Variants in KIF26A observed in about 807,000 individuals in gnomAD.
KIF26A encodes kinesin-like protein KIF26A.
KIF26A carries 74 observed loss-of-function variants against 126.0 expected under a neutral mutation model. The observed-to-expected ratio is 0.59, with a 90% CI of 0.49 to 0.71. The LOEUF (loss-of-function observed/expected upper bound fraction) is 0.71. KIF26A is among the 30% of genes least tolerant of loss of function. The probability of loss-of-function intolerance (pLI) is 0.00; values close to 1 mark genes in which losing one functional copy is unlikely to be tolerated. For missense variants in KIF26A, 2,984 were observed against 2,763.3 expected, an observed-to-expected ratio of 1.08 and a Z score of -1.79; for synonymous variants, 1,445 against 1,232.7, an observed-to-expected ratio of 1.17 and a Z score of -3.61.
chr14:104,143,371 T>C (rs8012009), intron 2 of KIF26A, among the ~76,000 whole-genome samples: 136,479 of 152,276 alleles, frequency 0.9, 61,560 homozygotes, highest in Non-Finnish European at 0.95. Flanking sequence ...TACCGCTCTG[T>C]GTGGCTTGGC....
intron 6 of KIF26A, among the ~76,000 whole-genome samples, chr14:104,172,296 G>A (rs536102481): frequency 2.8e-4 from 43 of 152,348 alleles, no homozygotes; most frequent in African/African-American, 8.4e-4. Flanking sequence ...GTCTCTCTGC[G>A]CGTGGTGGTC....
In KIF26A at chr14:104,179,288, G is replaced by C. The variant is rs372919552; in HGVS notation, c.5369G>C (p.Arg1790Pro). 8 of 1,533,568 alleles carry C rather than the reference G, an allele frequency of 5.2e-6. No individual in the cohort carries two copies. The highest frequency in any genetic ancestry group is 6.1e-6 in the Non-Finnish European group (7 of 1,144,106). The allele number at this position is 1,533,568 out of a possible 1,614,324, so 95.0% of individuals were successfully genotyped here. ...CGGCTGGCGGAGCGCAGGCAGCAGC[G>C]GCTGCGGGAGGTGCAGGCCAAGCAC... ...RLRLAERRQQ[R>P]LREVQAKHKH... The change falls in exon 14 of 15, where the codon CGG becomes CCG. Residue 1790 changes from arginine to proline, a missense_variant. Transcript: ENST00000423312.
chr14:104,179,763 C>T lies in KIF26A; in HGVS notation c.5622C>T (p.Ile1874=), dbSNP rs1249297517. 1 of 1,547,644 alleles carries T rather than the reference C, an allele frequency of 6.5e-7. No homozygotes were observed. The highest frequency in any genetic ancestry group is 8.7e-7 in the Non-Finnish European group (1 of 1,147,094). Residue 1874 remains isoleucine, a synonymous_variant, in exon 15 of 15, where the codon ATC becomes ATT. Coordinates refer to ENST00000423312, the MANE Select transcript of KIF26A (RefSeq NM_015656.2). ...TCAGCGTTGCAGCCAGTGCTGCCAT[C>T]CCGGGGCCGCAGGAGGTGGACGTCT... ...FDISVAASAA[I]PGPQEVDV is the part of the protein sequence containing the mutation.
chr14:104,176,705 T>C lies in KIF26A; in HGVS notation c.3917T>C (p.Leu1306Pro), dbSNP rs1334158727. Residue 1306 changes from leucine to proline, a missense_variant, in exon 12 of 15, where the codon CTG (leucine) becomes CCG (proline). Physicochemically the swap from Leu to Pro is moderately conservative, Grantham distance 98. Coordinates refer to ENST00000423312, the MANE Select transcript of KIF26A (RefSeq NM_015656.2). ...GAGGCTGTGGCTCGGATCCCACCGCTGCGGAGGGGTGCCACCACGCTGGGT... is the reference window on the plus strand; with the variant it reads ...GAGGCTGTGGCTCGGATCCCACCGCCGCGGAGGGGTGCCACCACGCTGGGT... ...RPEAVARIPP[L>P]RRGATTLGVT... 2 of 1,586,488 alleles carry C rather than the reference T, an allele frequency of 1.3e-6. No individual in the cohort carries two copies. The highest frequency in any genetic ancestry group is 2.3e-5 in the South Asian group (2 of 87,954).
chr14:104,165,343 G>A (rs1478646121), intron 4 of KIF26A, among the ~76,000 whole-genome samples: 1 of 137,054 alleles, frequency 7.3e-6, no homozygotes, highest in Middle Eastern at 3.7e-3. Flanking sequence ...CTGTGTGTCT[G>A]TATCATGTGT....
intron 13 of KIF26A, 52 bp from the exon 14 acceptor site, chr14:104,179,184 G>T: frequency 2.1e-6 from 3 of 1,413,730 alleles, no homozygotes; most frequent in East Asian, 2.7e-5. Context: ...CTGCTTGGGG[G>T]TCTCTGGGGA....
intron 4 of KIF26A, among the ~76,000 whole-genome samples, chr14:104,164,175 C>G (rs537486087): frequency 6.6e-6 from 1 of 152,006 alleles, no homozygotes; most frequent in Non-Finnish European, 1.5e-5. Flanking sequence ...AGGCCGGGCC[C>G]GGCTCTGGGG....
At chr14:104,173,918 C>A in intron 10 of KIF26A, 50 bp downstream of exon 10, 1 of 1,521,520 alleles carries the variant, frequency 6.6e-7, no homozygotes, top group South Asian at 1.3e-5. Context: ...CCTTGGTGAC[C>A]TGGTAAATCC....
rs2038027328 is a variant in KIF26A at position 104,176,368 on chromosome 14, G to T, written c.3580G>T (p.Ala1194Ser). ...ATCCCGACCCGGCAGGGAGCCCCAGGCCGGGCCCTCGCGGTGGGCATCCGC... is the reference window on the plus strand; with the variant it reads ...ATCCCGACCCGGCAGGGAGCCCCAGTCCGGGCCCTCGCGGTGGGCATCCGC... ...APSRPGREPQ[A>S]GPSRWASAAQ... The change falls in exon 12 of 15, where the codon GCC becomes TCC. Residue 1194 changes from alanine to serine, a missense_variant. Ala to Ser is a moderately conservative substitution (Grantham distance 99). Coordinates refer to ENST00000423312, the MANE Select transcript of KIF26A (RefSeq NM_015656.2). 1 of 1,584,084 alleles carries T rather than the reference G, an allele frequency of 6.3e-7. No homozygotes were observed. Among genetic ancestry groups the T allele is most frequent in the African/African-American group, 1.3e-5 (1 of 74,422 alleles).
intron 12 of KIF26A, among the ~76,000 whole-genome samples, chr14:104,178,156 G>A (rs2141121545): frequency 6.6e-6 from 1 of 152,242 alleles, no homozygotes; most frequent in South Asian, 2.1e-4. Context: ...GGCTGATCCT[G>A]GTCTGTGTCT....
Position 104,176,768 on chromosome 14 carries a change from C to T in KIF26A, c.3980C>T (p.Thr1327Met), listed in dbSNP as rs538974492. The change falls in exon 12 of 15, where the codon ACG becomes ATG. Residue 1327 changes from threonine (T) to methionine (M), a missense_variant. Transcript: ENST00000423312. ...TPAVSWGDAP[T>M]EVVACSGSLK... ...GCTGTGTCCTGGGGAGATGCTCCCA[C>T]GGAGGTGGTGGCCTGCTCGGGGAGC... is the stretch of plus-strand genomic sequence containing the variant. The T allele has an allele frequency of 2.3e-5, 37 of 1,581,510 alleles. No homozygotes were observed. Among genetic ancestry groups the T allele is most frequent in the East Asian group, 1.6e-4 (7 of 43,102 alleles).
rs61745565 is a variant in KIF26A, at chr14:104,173,761, G to T, written c.1923G>T (p.Ala641=). ...TCGACCTGGGCAGCTGTGAGGCGGC[G>T]GCTGGCAGGGCCGGGGAGGCTGCTG... ...HLIDLGSCEA[A]AGRAGEAAGG... is the part of the protein sequence containing the mutation. Residue 641 remains alanine, a synonymous_variant, in exon 10 of 15, where the codon GCG becomes GCT. Coordinates refer to ENST00000423312, the MANE Select transcript of KIF26A (RefSeq NM_015656.2). 2.5e-6 allele frequency: 4 copies of T among 1,609,692 alleles called. No homozygotes were observed. The highest frequency in any genetic ancestry group is 2.7e-5 in the African/African-American group (2 of 74,900).
Position 104,178,560 on chromosome 14 carries a change from G to C in KIF26A, c.5121G>C (p.Arg1707=). 6.8e-7 allele frequency: 1 copy of C among 1,472,130 alleles called. No homozygotes were observed. The highest frequency in any genetic ancestry group is 9.0e-7 in the Non-Finnish European group (1 of 1,109,292). 91.2% of individuals were successfully genotyped at this position (1,472,130 alleles called of 1,614,324 possible). A position where few individuals can be genotyped will look rare whatever the true frequency, so the allele number is the denominator to read the frequency against. ...GGCTCTCCGTTCCAGGTCTGCAGCG[G>C]CGGCGCCTGATTCCCGCCCCACTGC... ...SPKKRATGLQ[R]RRLIPAPLPD... Residue 1707 remains arginine (R), a synonymous_variant, in exon 13 of 15, where the codon CGG becomes CGC. Transcript: ENST00000423312.
rs1566852359 is a variant in KIF26A at position 104,139,291 on chromosome 14, A to G, written c.288+3A>G. The stretch of plus-strand genomic sequence containing the variant: ...GCGGGCCCGGGACCACCCTCCGGGT[A>G]AGTGACACTTCCTTAGGCCGACCCC... On this transcript the variant is annotated splice_donor_region_variant and intron_variant, in intron 2 of 14. Transcript: ENST00000423312. 9.3e-6 allele frequency: 14 copies of G among 1,498,984 alleles called. No individual in the cohort carries two copies. The highest frequency in any genetic ancestry group is 1.2e-5 in the Non-Finnish European group (14 of 1,123,006). 92.9% of individuals were successfully genotyped at this position (1,498,984 alleles called of 1,614,324 possible).
In KIF26A at chr14:104,177,573, C is replaced by T. The variant is rs142951259; in HGVS notation, c.4785C>T (p.Gly1595=). The T allele has an allele frequency of 2.6e-3, 3,929 of 1,536,092 alleles. 99 individuals carry two copies. In the African/African-American group the frequency reaches 0.045, roughly 18 times the overall value. The change falls in exon 12 of 15, where the codon GGC becomes GGT. Residue 1595 remains glycine (G), a synonymous_variant. Coordinates refer to ENST00000423312, the MANE Select transcript of KIF26A (RefSeq NM_015656.2). Reference sequence around the variant, plus strand: ...ACTCAGACAGCGGCCATGACAGCGGCGTGAACGTGGGGGAGGAGCGGCCAC... The same window carrying T: ...ACTCAGACAGCGGCCATGACAGCGGTGTGAACGTGGGGGAGGAGCGGCCAC... ...SADSDSGHDS[G]VNVGEERPPT...
At position 104,159,560 on chromosome 14, in the gene KIF26A, C is replaced by T. The variant is rs915430832; in HGVS notation, c.923+1618C>T. Among the ~76,000 whole-genome samples the T allele has an allele frequency of 4.6e-5, 7 of 152,192 alleles. No homozygotes were observed. The East Asian group carries it at 9.6e-4, about 21-fold the overall frequency. ...CCCTGGCTGCCTTTTGTTTGGGAGC[C>T]GAGGCCGGTGCCGCTTGCCAGCCGC... On this transcript the variant is annotated intron_variant, in intron 4 of 14. Coordinates refer to ENST00000423312, the MANE Select transcript of KIF26A (RefSeq NM_015656.2).
chr14:104,175,825 C>T lies in KIF26A; in HGVS notation c.3037C>T (p.Leu1013=), dbSNP rs1268165419. The change falls in exon 12 of 15, where the codon CTG becomes TTG. Residue 1013 remains leucine, a synonymous_variant. Transcript: ENST00000423312. ...TGGCAGTCGCTGTCCGGAGCGGGGCCTGCTCACCACCACAGTGACCCTGCA... is the reference window on the plus strand; with the variant it reads ...TGGCAGTCGCTGTCCGGAGCGGGGCTTGCTCACCACCACAGTGACCCTGCA... ...AAGSRCPERG[L]LTTTVTLQRP... is the part of the protein sequence containing the mutation. 4.5e-6 allele frequency: 7 copies of T among 1,538,728 alleles called. No individual in the cohort carries two copies. Among genetic ancestry groups the T allele is most frequent in the Non-Finnish European group, 6.1e-6 (7 of 1,147,110 alleles).
Position 104,148,125 on chromosome 14 carries a change from G to A in KIF26A, c.289-3890G>A, listed in dbSNP as rs1467780062. On this transcript the variant is annotated intron_variant, in intron 2 of 14. Coordinates refer to ENST00000423312, the MANE Select transcript of KIF26A (RefSeq NM_015656.2). This position sits in a 1 kb window ranked among gnomAD's most constrained non-coding sequence, Gnocchi z 4.3. ...CTTCTCTCCTGCAGTGACGGGGAGC[G>A]GGGAGTCCCCGGTAAAGTCCCCCGG... Among the ~76,000 whole-genome samples, 3 of 152,150 alleles carry A rather than the reference G, an allele frequency of 2.0e-5. No homozygotes were observed. The highest frequency in any genetic ancestry group is 7.2e-5 in the African/African-American group (3 of 41,424).
At chr14:104,169,328 G>A (rs2037935814) in intron 5 of KIF26A, among the ~76,000 whole-genome samples, 1 of 152,254 alleles carries the variant, frequency 6.6e-6, no homozygotes. Context: ...GGGGGGCAGA[G>A]GAGTCAGCAG....
Sources: gnomAD v4.1 joint callset for allele counts (sites outside exome capture counted in the v4.1 genomes callset) on GRCh38, gnomAD v4.1.1 for gene constraint, Gnocchi (gnomAD v3.1) non-coding constraint, MANE v1.5 for transcripts, NCBI Gene and HGNC (gene_info 2026-07-23, HGNC 2026-07-21) for gene names.